DPP10: variants seen among roughly 807,000 people sequenced by gnomAD.
DPP10 encodes the protein inactive dipeptidyl peptidase 10.
Under a neutral mutation model 120.9 loss-of-function variants are expected in DPP10, and 33 were observed. That is an observed-to-expected ratio of 0.27 (90% confidence interval 0.21 to 0.37). The LOEUF is 0.37. Among genes scored for constraint, DPP10 ranks in the 10% least tolerant of loss-of-function variants. The pLI, the probability that DPP10 is intolerant of heterozygous loss-of-function variation, is 1.00. For missense variants in DPP10, 816 were observed against 942.8 expected (o/e 0.87, Z 1.76); for synonymous variants, 337 against 326.1 (o/e 1.03, Z -0.36).
chr2:114,708,247 G>A (rs1178802859), intron 1 of DPP10, among the ~76,000 whole-genome samples: 1 of 152,266 alleles, frequency 6.6e-6, no homozygotes, highest in East Asian at 1.9e-4. Flanking sequence ...TACTGCAGCT[G>A]AGGGACACCA....
At chr2:115,718,187 TAA>T (rs5833621) in intron 7 of DPP10, among the ~76,000 whole-genome samples, 2,133 of 149,752 alleles carry the variant, frequency 0.014, 57 homozygotes, top group African/African-American at 0.048. Context: ...TTCCAGTAAT[TAA>T]AAAAAAAAAA....
chr2:115,701,682 A>G (rs1283527152), intron 7 of DPP10, among the ~76,000 whole-genome samples: 41 of 152,106 alleles, frequency 2.7e-4, no homozygotes, highest in Admixed American at 2.7e-3. Context: ...AATAGAAAAT[A>G]TTTCCAAATC....
At chr2:115,157,244 CAA>C (rs569338436) in intron 1 of DPP10, among the ~76,000 whole-genome samples, 45 of 101,432 alleles carry the variant, frequency 4.4e-4, no homozygotes, top group African/African-American at 4.3e-4. Flanking sequence ...TTAAATATAG[CAA>C]AAAAAAAAAA....
intron 1 of DPP10, among the ~76,000 whole-genome samples, chr2:114,953,657 G>A (rs971998101): frequency 3.3e-5 from 5 of 152,014 alleles, no homozygotes; most frequent in Non-Finnish European, 7.4e-5. Context: ...ATATGTAATT[G>A]AATTTTATCT....
intron 1 of DPP10, among the ~76,000 whole-genome samples, chr2:114,704,402 G>A (rs1244462780): frequency 1.3e-5 from 2 of 152,106 alleles, no homozygotes; most frequent in Admixed American, 6.6e-5. Context: ...AGATAGGGAC[G>A]CTATGTGATA....
Position 115,806,942 on chromosome 2 carries a change from C to T in DPP10, c.1701-7851C>T, listed in dbSNP as rs1028919129. Among the ~76,000 whole-genome samples, 5 of 151,914 alleles carry T rather than the reference C, an allele frequency of 3.3e-5. No homozygotes were observed. In the East Asian group the frequency reaches 9.7e-4, roughly 29 times the overall value. On this transcript the variant is annotated intron_variant, in intron 19 of 25. Transcript: ENST00000410059. ...GAGAGTCACATTGCAGTTATGTGCA[C>T]GTGAAAACTGAGATAAATTCTCCTG...
intron 19 of DPP10, among the ~76,000 whole-genome samples, chr2:115,807,045 G>C (rs991945691): frequency 1.3e-5 from 2 of 152,144 alleles, no homozygotes; most frequent in African/African-American, 4.8e-5. Flanking sequence ...CTAAGTGCAA[G>C]AGAATAGATC....
chr2:114,593,684 T>C (rs1691646760), intron 1 of DPP10, among the ~76,000 whole-genome samples: 1 of 152,158 alleles, frequency 6.6e-6, no homozygotes, highest in Admixed American at 6.5e-5. Context: ...TTCACATCCA[T>C]TGTCTTTTGC....
intron 1 of DPP10, among the ~76,000 whole-genome samples, chr2:114,495,557 T>A (rs1228567550): frequency 6.6e-6 from 1 of 152,224 alleles, no homozygotes; most frequent in Non-Finnish European, 1.5e-5. Context: ...ATAATGAATT[T>A]GAACATATCA....
At chr2:115,281,960 A>G (rs2060175105) in intron 1 of DPP10, among the ~76,000 whole-genome samples, 1 of 152,134 alleles carries the variant, frequency 6.6e-6, no homozygotes, top group Non-Finnish European at 1.5e-5. Flanking sequence ...GTACTTAAAA[A>G]TTACTGTTGT....
At chr2:115,052,913 C>T (rs1432813420) in intron 1 of DPP10, among the ~76,000 whole-genome samples, 1 of 144,202 alleles carries the variant, frequency 6.9e-6, no homozygotes, top group Non-Finnish European at 1.5e-5. Flanking sequence ...GATCTTGCCT[C>T]TGCACTACAG....
chr2:115,039,200 G>A (rs185945160), intron 1 of DPP10, among the ~76,000 whole-genome samples: 27 of 152,210 alleles, frequency 1.8e-4, no homozygotes, highest in Admixed American at 1.8e-3. Flanking sequence ...TGAGACAGGG[G>A]AGAAATTGGA....
intron 1 of DPP10, among the ~76,000 whole-genome samples, chr2:114,814,619 T>C (rs1245309213): frequency 1.3e-5 from 2 of 152,044 alleles, no homozygotes; most frequent in Admixed American, 6.5e-5. Context: ...GTAGTAGATA[T>C]GGTGGCTCTC....
Position 115,343,768 on chromosome 2 carries a change from A to G in DPP10, c.176-49A>G, listed in dbSNP as rs200793219. On this transcript the variant is annotated intron_variant, in intron 2 of 25. Coordinates refer to ENST00000410059, the MANE Select transcript of DPP10 (RefSeq NM_020868.6). ...CAAATTTTGTAATTTGCTCCTTTTA[A>G]AAAACAAGCATAAGATAGGCATCTA... The G allele has an allele frequency of 4.2e-5, 57 of 1,364,410 alleles. No homozygotes were observed. The African/African-American group carries it at 7.8e-4, about 19-fold the overall frequency. The allele number at this position is 1,364,410 out of a possible 1,614,324, so 84.5% of individuals were successfully genotyped here.
intron 3 of DPP10, among the ~76,000 whole-genome samples, chr2:115,411,637 T>C (rs1324624251): frequency 6.6e-6 from 1 of 152,208 alleles, no homozygotes; most frequent in Non-Finnish European, 1.5e-5. Flanking sequence ...GTGAACATTT[T>C]GAGAAGCCTT....
At chr2:114,468,017 T>C (rs1450670621) in intron 1 of DPP10, among the ~76,000 whole-genome samples, 1 of 152,156 alleles carries the variant, frequency 6.6e-6, no homozygotes, top group African/African-American at 2.4e-5. Flanking sequence ...TGATACACCA[T>C]CTTAGTAATA....
chr2:114,827,388 G>C (rs1283737719), intron 1 of DPP10, among the ~76,000 whole-genome samples: 1 of 152,076 alleles, frequency 6.6e-6, no homozygotes, highest in Non-Finnish European at 1.5e-5. Flanking sequence ...GTAGATACTG[G>C]TTTGTCTATA....
rs2059925145 is a variant in DPP10 at position 115,276,445 on chromosome 2, C to A, written c.61-32794C>A. 2.6e-5 allele frequency among the ~76,000 whole-genome samples: 4 copies of A among 152,234 alleles called. No homozygotes were observed. The South Asian group carries it at 8.3e-4, about 32-fold the overall frequency. On this transcript the variant is annotated intron_variant, in intron 1 of 25. Coordinates refer to ENST00000410059, the MANE Select transcript of DPP10 (RefSeq NM_020868.6). ...AAAAGGAGATGGGTTTCTAATTCTG[C>A]AAGCAAATATATATTTTTTCTAAAT...
chr2:114,554,066 T>C lies in DPP10; in HGVS notation c.60+111228T>C, dbSNP rs139561324. 5.9e-5 allele frequency among the ~76,000 whole-genome samples: 9 copies of C among 152,318 alleles called. No individual in the cohort carries two copies. The East Asian group carries it at 1.7e-3, about 29-fold the overall frequency. On this transcript the variant is annotated intron_variant, in intron 1 of 25. Coordinates refer to ENST00000410059, the MANE Select transcript of DPP10 (RefSeq NM_020868.6). ...TGAGATCATCAGGAACAACTTTTCA[T>C]AGGAGAGTTGATGTTAGTGAATCCA...
Sources: gnomAD v4.1 joint callset for allele counts (sites outside exome capture counted in the v4.1 genomes callset) on GRCh38, gnomAD v4.1.1 for gene constraint, MANE v1.5 for transcripts, NCBI Gene and HGNC (gene_info 2026-07-23, HGNC 2026-07-21) for gene names.